CCDC102B: variants seen among roughly 807,000 people sequenced by gnomAD.
CCDC102B encodes coiled-coil domain containing 102B.
CCDC102B carries 75 observed loss-of-function variants against 57.4 expected under a neutral mutation model. That is an observed-to-expected ratio of 1.31 (90% confidence interval 1.08 to 1.58). The LOEUF (loss-of-function observed/expected upper bound fraction) is 1.58. Ranked by LOEUF, CCDC102B falls within the 40% of genes most tolerant of loss-of-function variation. The pLI is 0.00. For missense variants in CCDC102B, 636 were observed against 582.6 expected, an observed-to-expected ratio of 1.09 and a Z score of -0.94; for synonymous variants, 206 against 201.9, an observed-to-expected ratio of 1.02 and a Z score of -0.17.
intron 6 of CCDC102B, among the ~76,000 whole-genome samples, chr18:68,935,971 G>A (rs754156667): frequency 2.8e-4 from 42 of 152,008 alleles, no homozygotes; most frequent in Middle Eastern, 3.4e-3. Context: ...GAGCATCCCT[G>A]ATCCAAAAAC....
At chr18:68,743,082 T>C (rs189017560) in intron 2 of CCDC102B, among the ~76,000 whole-genome samples, 316 of 152,162 alleles carry the variant, frequency 2.1e-3, no homozygotes, top group Admixed American at 4.3e-3. Context: ...TTAAAAATCT[T>C]GGGTCAGGCA....
chr18:69,035,945 C>G (rs1198458901), intron 7 of CCDC102B, among the ~76,000 whole-genome samples: 1 of 152,052 alleles, frequency 6.6e-6, no homozygotes, highest in African/African-American at 2.4e-5. Flanking sequence ...TAAGGACACC[C>G]CACTGTGGAT....
Position 69,011,109 on chromosome 18 carries a change from T to G in CCDC102B, c.1434+5T>G. The G allele has an allele frequency of 6.2e-7, 1 of 1,612,008 alleles. No individual in the cohort carries two copies. ...CTCAATCAAAAAGAAGATGAGGTAC[T>G]ACTTTATGAGTGAACACGTGCTGGA... On this transcript the variant is annotated splice_donor_5th_base_variant and intron_variant, in intron 7 of 7. Transcript: ENST00000360242.
chr18:69,053,635 CAT>C (rs1568152992), intron 7 of CCDC102B, among the ~76,000 whole-genome samples: 1 of 151,608 alleles, frequency 6.6e-6, no homozygotes, highest in East Asian at 1.9e-4. Context: ...GTCATACAAA[CAT>C]ATACCTTGTT....
chr18:68,715,895 G>A (rs1454541234), intron 1 of CCDC102B, among the ~76,000 whole-genome samples: 1 of 152,114 alleles, frequency 6.6e-6, no homozygotes, highest in Non-Finnish European at 1.5e-5. Context: ...GAAAACCTGT[G>A]ACAACAACAG....
At chr18:69,001,137 A>ACTT (rs1469390796) in intron 6 of CCDC102B, among the ~76,000 whole-genome samples, 1 of 152,030 alleles carries the variant, frequency 6.6e-6, no homozygotes, top group Non-Finnish European at 1.5e-5. Flanking sequence ...GCCCAGAGAG[A>ACTT]CTTCCTCTCA....
At chr18:69,039,469 T>A (rs979297416) in intron 7 of CCDC102B, among the ~76,000 whole-genome samples, 1 of 151,946 alleles carries the variant, frequency 6.6e-6, no homozygotes, top group Non-Finnish European at 1.5e-5. Flanking sequence ...TATTCTAAGT[T>A]TTCTGCATCT....
chr18:68,953,355 C>CTTTTTTTTTT (rs5825890), intron 6 of CCDC102B, among the ~76,000 whole-genome samples: 1 of 125,536 alleles, frequency 8.0e-6, no homozygotes, highest in African/African-American at 3.0e-5. Context: ...CAATACTTGT[C>CTTTTTTTTTT]TTTTTTTTTT....
Position 68,940,196 on chromosome 18 carries a change from C to A in CCDC102B, c.1263+42768C>A, listed in dbSNP as rs185008275. Among the ~76,000 whole-genome samples, 199 of 151,726 alleles carry A rather than the reference C, an allele frequency of 1.3e-3. 1 individual carries two copies. The highest frequency in any genetic ancestry group is 6.8e-3 in the Middle Eastern group (2 of 292). On this transcript the variant is annotated intron_variant, in intron 6 of 7. Coordinates refer to ENST00000360242, the MANE Select transcript of CCDC102B (RefSeq NM_024781.3). ...CTAAAATGAGTCATAATTCTTTCAG[C>A]CTGACTACATTTAATCACAACTTAT...
intron 2 of CCDC102B, among the ~76,000 whole-genome samples, chr18:68,777,497 T>G (rs2034861841): frequency 6.6e-6 from 1 of 152,200 alleles, no homozygotes; most frequent in South Asian, 2.1e-4. Context: ...AACTTTCACT[T>G]CATGTTGGGC....
At chr18:69,016,698 A>C (rs187809201) in intron 7 of CCDC102B, among the ~76,000 whole-genome samples, 34 of 152,270 alleles carry the variant, frequency 2.2e-4, no homozygotes, top group African/African-American at 8.2e-4. Context: ...AAGCAATGTA[A>C]TATGTATTTC....
Position 68,999,896 on chromosome 18 carries a change from C to T in CCDC102B, c.1264-11038C>T, listed in dbSNP as rs115839970. On this transcript the variant is annotated intron_variant, in intron 6 of 7. Coordinates refer to ENST00000360242, the MANE Select transcript of CCDC102B (RefSeq NM_024781.3). The stretch of plus-strand genomic sequence containing the variant: ...TAGTGCATTATCAGTATGACATAAA[C>T]TCACATCTGTTTTTGAATGACTATA... 4.6e-3 allele frequency among the ~76,000 whole-genome samples: 702 copies of T among 152,228 alleles called. 12 individuals are homozygous for T. The highest frequency in any genetic ancestry group is 0.015 in the African/African-American group (643 of 41,514).
chr18:68,977,986 T>C (rs997040517), intron 6 of CCDC102B, among the ~76,000 whole-genome samples: 1 of 152,030 alleles, frequency 6.6e-6, no homozygotes, highest in African/African-American at 2.4e-5. Flanking sequence ...GTCTACTCCC[T>C]ACCTGTGACG....
At chr18:68,752,295 A>G (rs2033885189) in intron 2 of CCDC102B, among the ~76,000 whole-genome samples, 1 of 152,090 alleles carries the variant, frequency 6.6e-6, no homozygotes, top group Non-Finnish European at 1.5e-5. Flanking sequence ...ATCAAGTAAC[A>G]GTGATAAGAC....
In CCDC102B at chr18:68,777,056, C is replaced by T. The variant is rs140228240; in HGVS notation, c.-66-46310C>T. Among the ~76,000 whole-genome samples the T allele has an allele frequency of 1.8e-3, 277 of 152,234 alleles. 3 individuals are homozygous for T. In the East Asian group the frequency reaches 0.044, roughly 24 times the overall value. On this transcript the variant is annotated intron_variant, in intron 2 of 3. Transcript: ENST00000578970. ...TGATCTTGGTTGAATTTATTTACAT[C>T]AGTTCCGTGGGGAAATTTTGAACTC...
intron 6 of CCDC102B, among the ~76,000 whole-genome samples, chr18:68,979,095 C>G (rs550529851): frequency 5.9e-5 from 9 of 152,008 alleles, no homozygotes; most frequent in Non-Finnish European, 1.3e-4. Context: ...TCTGTGCTGG[C>G]AACATTCTGT....
At chr18:68,834,292 T>A (rs1449674734) in intron 1 of CCDC102B, among the ~76,000 whole-genome samples, 1 of 152,026 alleles carries the variant, frequency 6.6e-6, no homozygotes, top group Admixed American at 6.6e-5. Flanking sequence ...TGATACTGAT[T>A]TATTTTGAAA....
At chr18:68,840,220 G>A (rs553900026) in intron 3 of CCDC102B, among the ~76,000 whole-genome samples, 30 of 152,132 alleles carry the variant, frequency 2.0e-4, no homozygotes, top group Non-Finnish European at 1.8e-4. Context: ...AACCAGAAAA[G>A]CAAGAAGGAT....
intron 6 of CCDC102B, among the ~76,000 whole-genome samples, chr18:68,914,974 G>GGGGA (rs2041012795): frequency 6.8e-6 from 1 of 147,466 alleles, no homozygotes; most frequent in Non-Finnish European, 1.5e-5. Context: ...ACTACTGGGG[G>GGGGA]GAGAGAGAGA....
Sources: allele counts gnomAD v4.1 joint callset (sites outside exome capture counted in the v4.1 genomes callset), GRCh38; gene constraint gnomAD v4.1.1; transcripts MANE v1.5; gene names NCBI Gene and HGNC (gene_info 2026-07-23, HGNC 2026-07-21).